STAM2: variants seen among roughly 807,000 people sequenced by gnomAD.
STAM2 encodes signal transducing adapter molecule 2.
A neutral mutation model predicts 65.6 loss-of-function variants in STAM2; 51 were observed. The observed-to-expected ratio is 0.78, with a 90% CI of 0.62 to 0.98. The LOEUF is 0.98. Among genes scored for constraint, STAM2 ranks in the 50% least tolerant of loss-of-function variants. STAM2 has a pLI of 0.00. For missense variants in STAM2, 584 were observed against 617.8 expected, an observed-to-expected ratio of 0.95 and a Z score of 0.58; for synonymous variants, 198 against 208.4, an observed-to-expected ratio of 0.95 and a Z score of 0.43.
chr2:152,133,069 T>G (rs1025294656), intron 10 of STAM2, 104 bp downstream of exon 10: 5 of 447,154 alleles, frequency 1.1e-5, no homozygotes, highest in African/African-American at 8.3e-5. Context: ...CCACCGGAGA[T>G]TTCTAACCTC....
rs147267687 is a variant in STAM2, at chr2:152,167,670, G to C, written c.40+7933C>G. Among the ~76,000 whole-genome samples, 946 of 152,162 alleles carry C rather than the reference G, an allele frequency of 6.2e-3. 10 individuals carry two copies. The highest frequency in any genetic ancestry group is 0.022 in the African/African-American group (895 of 41,500). On this transcript the variant is annotated intron_variant, in intron 1 of 13. Transcript: ENST00000263904. ...AGCACTTTGGGAGGCCGAGGCAGGT[G>C]AATCACTTGAGGTCAGGAGTCCAAG...
intron 10 of STAM2, among the ~76,000 whole-genome samples, chr2:152,132,540 C>T (rs1689083159): frequency 6.6e-6 from 1 of 152,098 alleles, no homozygotes; most frequent in Non-Finnish European, 1.5e-5. Flanking sequence ...GAAGATTTTT[C>T]ATTTACTTAA....
chr2:152,160,887 C>G (rs1034166483), intron 1 of STAM2, among the ~76,000 whole-genome samples: 2 of 151,268 alleles, frequency 1.3e-5, no homozygotes, highest in African/African-American at 2.4e-5. Flanking sequence ...GGGGTCAGCC[C>G]CCCGCCTGGC....
At chr2:152,167,004 C>T (rs1053418014) in intron 1 of STAM2, among the ~76,000 whole-genome samples, 2 of 152,160 alleles carry the variant, frequency 1.3e-5, no homozygotes, top group Admixed American at 6.5e-5. Flanking sequence ...CACTGAATAA[C>T]AGATTTTTCA....
At chr2:152,167,451 A>G (rs1225940901) in intron 1 of STAM2, among the ~76,000 whole-genome samples, 1 of 152,254 alleles carries the variant, frequency 6.6e-6, no homozygotes, top group Non-Finnish European at 1.5e-5. Flanking sequence ...TAATCCTAAA[A>G]AACAAAGGAT....
At chr2:152,144,867 T>C (rs374276088) in intron 6 of STAM2, 21 bp downstream of exon 6, 36 of 1,608,508 alleles carry the variant, frequency 2.2e-5, no homozygotes, top group Non-Finnish European at 2.6e-5. Context: ...AACACTAAAT[T>C]ACATGTGCTT....
chr2:152,139,003 A>G (rs1376877036), intron 7 of STAM2, among the ~76,000 whole-genome samples: 1 of 152,184 alleles, frequency 6.6e-6, no homozygotes, highest in Non-Finnish European at 1.5e-5. Flanking sequence ...ATGAAGCATA[A>G]AAGTAGGCAA....
At chr2:152,172,215 A>G (rs1170931497) in intron 1 of STAM2, among the ~76,000 whole-genome samples, 2 of 152,238 alleles carry the variant, frequency 1.3e-5, no homozygotes, top group African/African-American at 2.4e-5. Context: ...TAAAATGTTT[A>G]AAGAGTTCTA....
intron 1 of STAM2, among the ~76,000 whole-genome samples, chr2:152,158,291 A>G (rs1386700842): frequency 1.3e-5 from 2 of 152,136 alleles, no homozygotes; most frequent in Admixed American, 6.5e-5. Context: ...TCTGGCCAAC[A>G]TGGTGAAGCC....
intron 7 of STAM2, among the ~76,000 whole-genome samples, chr2:152,138,151 A>G (rs552944818): frequency 2.0e-5 from 3 of 152,282 alleles, no homozygotes; most frequent in East Asian, 3.9e-4. Context: ...TTATGCAATA[A>G]TATAAGAAAA....
intron 7 of STAM2, among the ~76,000 whole-genome samples, chr2:152,138,668 G>C (rs1256051773): frequency 6.6e-6 from 1 of 152,150 alleles, no homozygotes; most frequent in African/African-American, 2.4e-5. Flanking sequence ...AGAGACGAAA[G>C]AGTTATATAT....
chr2:152,164,102 C>T (rs1367059196), intron 1 of STAM2, among the ~76,000 whole-genome samples: 1 of 152,110 alleles, frequency 6.6e-6, no homozygotes, highest in Admixed American at 6.5e-5. Flanking sequence ...TTTTGCAGCT[C>T]TGGTGGGGCA....
intron 1 of STAM2, among the ~76,000 whole-genome samples, chr2:152,166,395 C>T (rs1051559629): frequency 1.1e-4 from 16 of 152,058 alleles, no homozygotes; most frequent in African/African-American, 3.9e-4. Flanking sequence ...AATGATATAT[C>T]CTTAAGTTTT....
intron 12 of STAM2, chr2:152,124,514 C>G (rs1332044535): frequency 6.6e-6 from 1 of 152,236 alleles, no homozygotes; most frequent in Non-Finnish European, 1.5e-5. Flanking sequence ...CCTCAGGAAA[C>G]AGCAAAAATG....
chr2:152,136,514 C>T lies in STAM2; in HGVS notation c.705-911G>A, dbSNP rs573532238. On this transcript the variant is annotated intron_variant, in intron 7 of 13. Transcript: ENST00000263904. ...GTGCCCTTTAGTAATGACCCCAAAT[C>T]CCAGCACCACATCCATCTTACCACA... Among the ~76,000 whole-genome samples, 10 of 152,218 alleles carry T rather than the reference C, an allele frequency of 6.6e-5. No homozygotes were observed. The East Asian group carries it at 1.9e-3, about 29-fold the overall frequency.
rs116833945 is a variant in STAM2 at position 152,164,125 on chromosome 2, G to A, written c.40+11478C>T. 7.6e-3 allele frequency among the ~76,000 whole-genome samples: 1,158 copies of A among 152,058 alleles called. 16 individuals are homozygous for A. Among genetic ancestry groups the A allele is most frequent in the African/African-American group, 0.026 (1,084 of 41,472 alleles). ...CTCTGGTGGGGCATTACGGACCTACGGCCCGTAATGACCTGGTGGCCCAGC... is the reference window on the plus strand; with the variant it reads ...CTCTGGTGGGGCATTACGGACCTACAGCCCGTAATGACCTGGTGGCCCAGC... On this transcript the variant is annotated intron_variant, in intron 1 of 13. Coordinates refer to ENST00000263904, the MANE Select transcript of STAM2 (RefSeq NM_005843.6).
intron 1 of STAM2, among the ~76,000 whole-genome samples, chr2:152,157,450 G>A (rs1374784368): frequency 1.3e-5 from 2 of 152,186 alleles, no homozygotes; most frequent in Non-Finnish European, 2.9e-5. Context: ...TGATCCAATA[G>A]GATTAGTGTC....
intron 1 of STAM2, among the ~76,000 whole-genome samples, chr2:152,170,391 G>C (rs759069080): frequency 1.3e-4 from 19 of 150,578 alleles, no homozygotes; most frequent in Non-Finnish European, 2.7e-4. Flanking sequence ...GCTGAGGCAG[G>C]AAAATCATTT....
At chr2:152,157,935 T>C (rs908919129) in intron 1 of STAM2, among the ~76,000 whole-genome samples, 1 of 152,106 alleles carries the variant, frequency 6.6e-6, no homozygotes, top group Non-Finnish European at 1.5e-5. Flanking sequence ...TTAGCCTCCC[T>C]ACAAAGAATA....
Sources: gnomAD v4.1 joint callset for allele counts (sites outside exome capture counted in the v4.1 genomes callset) on GRCh38, gnomAD v4.1.1 for gene constraint, MANE v1.5 for transcripts, NCBI Gene and HGNC (gene_info 2026-07-23, HGNC 2026-07-21) for gene names.